INTS1: variants seen among roughly 807,000 people sequenced by gnomAD.
INTS1 encodes the protein integrator complex subunit 1.
INTS1 carries 137 observed loss-of-function variants against 241.6 expected under a neutral mutation model. The observed-to-expected ratio is 0.57, with a 90% CI of 0.49 to 0.65. The LOEUF is 0.65. Ranked by LOEUF, INTS1 falls within the 30% of genes least tolerant of loss-of-function variation. The pLI, the probability that INTS1 is intolerant of heterozygous loss-of-function variation, is 0.00. For synonymous variants in INTS1, 1,692 were observed against 1,337.8 expected, an observed-to-expected ratio of 1.26 and a Z score of -5.78; for missense variants, 3,073 against 3,032.2, an observed-to-expected ratio of 1.01 and a Z score of -0.32.
intron 46 of INTS1, 86 bp downstream of exon 46, chr7:1,471,047 G>C (rs953543404): frequency 2.6e-6 from 4 of 1,515,670 alleles, no homozygotes; most frequent in African/African-American, 2.8e-5. Flanking sequence ...CTGGAAGCCT[G>C]GTCTGGCCAC....
At chr7:1,478,170 G>A (rs929380341) in intron 33 of INTS1, among the ~76,000 whole-genome samples, 196 bp downstream of exon 33, 1 of 151,876 alleles carries the variant, frequency 6.6e-6, no homozygotes, top group African/African-American at 2.4e-5. Context: ...GTGATCAGGG[G>A]CCCCCCAAGG....
chr7:1,494,547 A>C, intron 14 of INTS1: 1 of 546,894 alleles, frequency 1.8e-6, no homozygotes, highest in Non-Finnish European at 3.3e-6. Context: ...CCTGGAAGCA[A>C]CTGGAAGGCG....
At position 1,481,968 on chromosome 7, in the gene INTS1, T is replaced by A. The variant is rs1299912396; in HGVS notation, c.3704-480A>T. ...GAAGCTGCACGCAGGCTGCTGTGAC[T>A]ATCTTCTCTCAGTGCTCAGGGCGCT... is the stretch of plus-strand genomic sequence containing the variant. On this transcript the variant is annotated intron_variant, in intron 27 of 47. Coordinates refer to ENST00000404767, the MANE Select transcript of INTS1 (RefSeq NM_001080453.3). The surrounding 1 kb of genome is among the most constrained non-coding windows in gnomAD (Gnocchi z 6.8). Among the ~76,000 whole-genome samples the A allele has an allele frequency of 6.6e-6, 1 of 152,136 alleles. No homozygotes were observed. The highest frequency in any genetic ancestry group is 1.5e-5 in the Non-Finnish European group (1 of 68,010).
intron 16 of INTS1, among the ~76,000 whole-genome samples, chr7:1,492,096 G>A (rs1355117822): frequency 6.6e-6 from 1 of 152,200 alleles, no homozygotes; most frequent in Non-Finnish European, 1.5e-5. Context: ...CAGAGCCTCA[G>A]TTAAACACGT....
At position 1,478,450 on chromosome 7, in the gene INTS1, C is replaced by A. The variant is rs1393174232; in HGVS notation, c.4546G>T (p.Val1516Leu). ...ACGGCACGGACGGTGGAGCTGACCA[C>A]CTCCAGGTCCTGACGGAAGGCCAGG... ...EALAFRQDLE[V>L]VSSTVRAVIA... is the part of the protein sequence containing the mutation. Residue 1516 changes from valine (V) to leucine (L), a missense_variant, in exon 33 of 48, where the codon GTG (valine) becomes TTG (leucine). Coordinates refer to ENST00000404767, the MANE Select transcript of INTS1 (RefSeq NM_001080453.3). The A allele has an allele frequency of 3.1e-6, 5 of 1,612,310 alleles. No homozygotes were observed. Among genetic ancestry groups the A allele is most frequent in the East Asian group, 2.2e-5 (1 of 44,880 alleles).
chr7:1,477,949 CAA>C lies in INTS1; in HGVS notation c.4631-15_4631-14del, dbSNP rs755306533. 1.1e-5 allele frequency: 17 copies of C among 1,611,224 alleles called. No homozygotes were observed. In the Admixed American group the frequency reaches 2.8e-4, roughly 27 times the overall value. On this transcript the variant is annotated splice_polypyrimidine_tract_variant and intron_variant, in intron 33 of 47. Coordinates refer to ENST00000404767, the MANE Select transcript of INTS1 (RefSeq NM_001080453.3). Reference sequence around the variant, plus strand: ...AGCCCCTGGAGGACTGCGCAAGGGACAAAGAGACATGTGGGTCACTCCCAGGT... The same window carrying C: ...AGCCCCTGGAGGACTGCGCAAGGGACAGAGACATGTGGGTCACTCCCAGGT...
In INTS1 at chr7:1,493,960, A is replaced by G; in HGVS notation, c.1911-49T>C. On this transcript the variant is annotated intron_variant, in intron 14 of 47. Coordinates refer to ENST00000404767, the MANE Select transcript of INTS1 (RefSeq NM_001080453.3). This position sits in a 1 kb window ranked among gnomAD's most constrained non-coding sequence, Gnocchi z 5.3. ...TCGGTGTGGGCTGCCCACACCTGCC[A>G]GACCTGAGGGGCCGAGGACAGGCCA... The G allele has an allele frequency of 2.0e-6, 3 of 1,525,752 alleles. No individual in the cohort carries two copies. The highest frequency in any genetic ancestry group is 2.7e-6 in the Non-Finnish European group (3 of 1,130,800). 94.5% of individuals were successfully genotyped at this position (1,525,752 alleles called of 1,614,324 possible). A position where few individuals can be genotyped will look rare whatever the true frequency, so the allele number is the denominator to read the frequency against.
chr7:1,498,273 A>G (rs1305554774), intron 10 of INTS1, 139 bp downstream of exon 10: 7 of 1,357,760 alleles, frequency 5.2e-6, no homozygotes, highest in Non-Finnish European at 7.0e-6. Flanking sequence ...CGTGAGTTTC[A>G]AAAGCTCCTT....
At chr7:1,473,804 GC>G in intron 41 of INTS1, 111 bp from the exon 42 acceptor site, 1 of 1,350,690 alleles carries the variant, frequency 7.4e-7, no homozygotes, top group Non-Finnish European at 1.0e-6. Flanking sequence ...CAGCCAACGA[GC>G]CCCCTCTGCC....
chr7:1,494,460 G>C (rs1344197315), intron 14 of INTS1: 2 of 370,880 alleles, frequency 5.4e-6, no homozygotes, highest in East Asian at 1.2e-4. Context: ...GGGAAGGACA[G>C]TGTGCGGCTG....
At chr7:1,483,323 A>G (rs1782085904) in intron 26 of INTS1, 2 of 322,200 alleles carry the variant, frequency 6.2e-6, no homozygotes, top group Non-Finnish European at 1.2e-5. Context: ...CGCTGGCCAG[A>G]GCGTCCTCAG....
At position 1,477,673 on chromosome 7, in the gene INTS1, G is replaced by A. The variant is rs1562489857; in HGVS notation, c.4815C>T (p.Ser1605=). 10 of 1,597,386 alleles carry A rather than the reference G, an allele frequency of 6.3e-6. No individual in the cohort carries two copies. The South Asian group carries it at 7.9e-5, about 13-fold the overall frequency. ...AGGKPGADGG[S]LEAVRLGPSS... is the part of the protein sequence containing the mutation. ...AGGGCCCCAGCCGCACGGCCTCCAG[G>A]CTGCAGGGAGAAGGTGGCTCAGGGA... Residue 1605 remains serine (S), a splice_region_variant and synonymous_variant, in exon 35 of 48, where the codon AGC becomes AGT. Coordinates refer to ENST00000404767, the MANE Select transcript of INTS1 (RefSeq NM_001080453.3).
At position 1,476,007 on chromosome 7, in the gene INTS1, C is replaced by T; in HGVS notation, c.5443G>A (p.Val1815Met). The change falls in exon 39 of 48, where the codon GTG becomes ATG. Residue 1815 changes from valine (V) to methionine (M), a missense_variant. Transcript: ENST00000404767. ...TGCAGTAGGACCTCAGGCACGGGCA[C>T]CCGCAGCTCCGGCCGCTGTAGGTAG... is the stretch of plus-strand genomic sequence containing the variant. ...QLYLQRPELR[V>M]PVPEVLLHSE... 3 of 1,545,850 alleles carry T rather than the reference C, an allele frequency of 1.9e-6. No homozygotes were observed. Among genetic ancestry groups the T allele is most frequent in the Non-Finnish European group, 2.6e-6 (3 of 1,146,736 alleles).
At chr7:1,477,695 G>A in intron 34 of INTS1, 22 bp from the exon 35 acceptor site, 2 of 1,601,862 alleles carry the variant, frequency 1.2e-6, no homozygotes, top group Non-Finnish European at 1.7e-6. Context: ...AGGTGGCTCA[G>A]GGAAGGGCTG....
chr7:1,477,403 T>C, intron 35 of INTS1, 147 bp downstream of exon 35: 1 of 914,702 alleles, frequency 1.1e-6, no homozygotes, highest in Admixed American at 3.1e-5. Flanking sequence ...ACCCTTCCTC[T>C]GGGTTGCTAC....
At chr7:1,495,300 G>C (rs1251818027) in intron 13 of INTS1, 133 bp downstream of exon 13, 11 of 1,096,862 alleles carry the variant, frequency 1.0e-5, no homozygotes, top group African/African-American at 1.6e-5. Flanking sequence ...GCTTAGTGGG[G>C]TGTGGGGCAG....
intron 41 of INTS1, 56 bp from the exon 42 acceptor site, chr7:1,473,749 G>A: frequency 6.2e-7 from 1 of 1,604,624 alleles, no homozygotes; most frequent in Non-Finnish European, 8.5e-7. Flanking sequence ...CCAAAACAGA[G>A]CCTGTGCTCC....
At chr7:1,487,622 G>T in intron 19 of INTS1, 138 bp downstream of exon 19, 1 of 1,280,940 alleles carries the variant, frequency 7.8e-7, no homozygotes, top group Non-Finnish European at 1.1e-6. Context: ...AGGGACGCGG[G>T]GACGGGGCTC....
At chr7:1,486,269 ATT>A (rs555613197) in intron 22 of INTS1, among the ~76,000 whole-genome samples, 2 of 133,380 alleles carry the variant, frequency 1.5e-5, no homozygotes, top group Admixed American at 7.6e-5. Flanking sequence ...TCATTTATTT[ATT>A]TTTTTTTTTT....
Sources: gnomAD v4.1 joint callset for allele counts (sites outside exome capture counted in the v4.1 genomes callset) on GRCh38, gnomAD v4.1.1 for gene constraint, Gnocchi (gnomAD v3.1) non-coding constraint, MANE v1.5 for transcripts, NCBI Gene and HGNC (gene_info 2026-07-23, HGNC 2026-07-21) for gene names.